The following VAMP4 variants were observed in gnomAD, a reference collection of about 807,000 sequenced individuals.
The protein encoded by VAMP4 is vesicle associated membrane protein 4.
VAMP4 carries 19 observed loss-of-function variants against 23.5 expected under a neutral mutation model. The ratio of observed to expected loss-of-function variants is 0.81; its 90% CI spans 0.56 to 1.19. VAMP4 has a LOEUF of 1.19. VAMP4 is among the 50% of genes most tolerant of loss of function. The pLI is 0.00. For synonymous variants in VAMP4, 31 were observed against 51.0 expected (o/e 0.61, Z 1.67); for missense variants, 145 against 168.6 (o/e 0.86, Z 0.78).
At chr1:171,737,734 A>G (rs748603828) in intron 2 of VAMP4, among the ~76,000 whole-genome samples, 1 of 152,186 alleles carries the variant, frequency 6.6e-6, no homozygotes, top group African/African-American at 2.4e-5. Context: ...TATGTTCTTA[A>G]CTTTCTAAAA....
rs186214089 is a variant in VAMP4 at position 171,714,261 on chromosome 1, T to A, written c.165-3447A>T. 5.3e-5 allele frequency among the ~76,000 whole-genome samples: 8 copies of A among 152,324 alleles called. No individual in the cohort carries two copies. The East Asian group carries it at 1.5e-3, about 29-fold the overall frequency. On this transcript the variant is annotated intron_variant, in intron 4 of 7. Coordinates refer to ENST00000236192, the MANE Select transcript of VAMP4 (RefSeq NM_003762.5). The stretch of plus-strand genomic sequence containing the variant: ...AAGCAAGTGATAACATACTTCCCCA[T>A]GATCTTTTACATTTTCACAATAGTT...
At chr1:171,708,996 A>AG (rs1038506112) in intron 6 of VAMP4, among the ~76,000 whole-genome samples, 1 of 151,584 alleles carries the variant, frequency 6.6e-6, no homozygotes, top group African/African-American at 2.4e-5. Context: ...TAGAATCAGG[A>AG]GAAAAAAAAA....
chr1:171,725,427 C>T (rs976788377), intron 3 of VAMP4, among the ~76,000 whole-genome samples: 3 of 152,018 alleles, frequency 2.0e-5, no homozygotes, highest in African/African-American at 7.3e-5. Context: ...ATAATGAGAC[C>T]CTGTCTCAGT....
At chr1:171,723,473 A>C (rs1655265957) in intron 3 of VAMP4, among the ~76,000 whole-genome samples, 1 of 152,156 alleles carries the variant, frequency 6.6e-6, no homozygotes, top group Non-Finnish European at 1.5e-5. Context: ...CTTTCTCAGG[A>C]CTGTTCCTTG....
intron 3 of VAMP4, among the ~76,000 whole-genome samples, chr1:171,724,557 G>T (rs763181268): frequency 6.6e-6 from 1 of 152,094 alleles, no homozygotes; most frequent in Non-Finnish European, 1.5e-5. Flanking sequence ...ACAAAACACT[G>T]CTGAGAGAAA....
intron 2 of VAMP4, among the ~76,000 whole-genome samples, chr1:171,737,831 A>G (rs868245777): frequency 6.6e-6 from 1 of 152,362 alleles, no homozygotes; most frequent in Middle Eastern, 3.4e-3. Context: ...GAAAGAAGCT[A>G]TGAGAATAAT....
Position 171,701,020 on chromosome 1 carries a change from A to C in VAMP4, c.*3486T>G, listed in dbSNP as rs1278995103. Reference sequence around the variant, plus strand: ...GAATAAGACTATCTCAAAGTATTAAAGAGGATCTAAACCCTACATCAATCT... The same window carrying C: ...GAATAAGACTATCTCAAAGTATTAACGAGGATCTAAACCCTACATCAATCT... On this transcript the variant is annotated 3_prime_UTR_variant, in exon 8 of 8. Transcript: ENST00000236192. 1 of 152,220 alleles carries C rather than the reference A, an allele frequency of 6.6e-6. No homozygotes were observed. Among genetic ancestry groups the C allele is most frequent in the Non-Finnish European group, 1.5e-5 (1 of 68,042 alleles). 9.4% of individuals were successfully genotyped at this position (152,220 alleles called of 1,614,324 possible). A position where few individuals can be genotyped will look rare whatever the true frequency, so the allele number is the denominator to read the frequency against.
At chr1:171,722,146 A>C (rs943176574) in intron 3 of VAMP4, among the ~76,000 whole-genome samples, 3 of 152,080 alleles carry the variant, frequency 2.0e-5, no homozygotes, top group African/African-American at 7.2e-5. Flanking sequence ...CAAAAACAAG[A>C]AATAGGGAAA....
At chr1:171,741,607 T>A (rs1655926321) in intron 1 of VAMP4, among the ~76,000 whole-genome samples, 1 of 150,670 alleles carries the variant, frequency 6.6e-6, no homozygotes, top group African/African-American at 2.5e-5. Flanking sequence ...CCTCACTACA[T>A]CCCACTCTTA....
Position 171,703,425 on chromosome 1 carries a change from G to GTGTGTATA in VAMP4, c.*1080_*1081insTATACACA, listed in dbSNP as rs1330620854. The GTGTGTATA allele has an allele frequency of 1.1e-4, 9 of 80,668 alleles. No homozygotes were observed. The highest frequency in any genetic ancestry group is 3.3e-4 in the African/African-American group (7 of 20,962). 5.0% of individuals were successfully genotyped at this position (80,668 alleles called of 1,614,324 possible). A position where few individuals can be genotyped will look rare whatever the true frequency, so the allele number is the denominator to read the frequency against. On this transcript the variant is annotated 3_prime_UTR_variant, in exon 8 of 8. Transcript: ENST00000236192. ...TGTGTGTGTGTGTGTGTGTTTGTGTGTATATATATATATATATATATATAT... is the reference window on the plus strand; with the variant it reads ...TGTGTGTGTGTGTGTGTGTTTGTGTGTGTGTATATATATATATATATATATATATATAT...
chr1:171,707,774 T>C (rs959279449), intron 6 of VAMP4, among the ~76,000 whole-genome samples: 1 of 152,090 alleles, frequency 6.6e-6, no homozygotes, highest in South Asian at 2.1e-4. Flanking sequence ...AAAATATGAC[T>C]CAATGTTTTT....
chr1:171,710,882 A>C, intron 4 of VAMP4, 68 bp from the exon 5 acceptor site: 1 of 1,135,116 alleles, frequency 8.8e-7, no homozygotes, highest in Non-Finnish European at 1.3e-6. Flanking sequence ...TAAAACTTTC[A>C]TTAGACATAA....
chr1:171,707,398 A>T (rs565137498), intron 6 of VAMP4, among the ~76,000 whole-genome samples: 8 of 152,278 alleles, frequency 5.3e-5, no homozygotes, highest in African/African-American at 1.9e-4. Context: ...ATTTCCACCA[A>T]CACCCTTAAC....
At chr1:171,732,588 A>G (rs937146541) in intron 2 of VAMP4, among the ~76,000 whole-genome samples, 1 of 152,114 alleles carries the variant, frequency 6.6e-6, no homozygotes, top group Non-Finnish European at 1.5e-5. Flanking sequence ...TTTTATGTTA[A>G]ATGTAAATAA....
intron 3 of VAMP4, 38 bp downstream of exon 3, chr1:171,728,486 T>C: frequency 6.8e-7 from 1 of 1,472,320 alleles, no homozygotes; most frequent in Non-Finnish European, 9.1e-7. Context: ...GTATTGTATG[T>C]CAATTACACC....
intron 4 of VAMP4, among the ~76,000 whole-genome samples, chr1:171,717,176 G>C (rs1178398310): frequency 6.6e-6 from 1 of 152,154 alleles, no homozygotes; most frequent in Non-Finnish European, 1.5e-5. Flanking sequence ...AAGGATATCA[G>C]ACAGGAAACA....
intron 2 of VAMP4, among the ~76,000 whole-genome samples, chr1:171,734,687 T>G (rs1572256001): frequency 6.6e-6 from 1 of 152,180 alleles, no homozygotes; most frequent in African/African-American, 2.4e-5. Flanking sequence ...AAAAGTAATT[T>G]ATATATTATT....
At position 171,719,207 on chromosome 1, in the gene VAMP4, C is replaced by A; in HGVS notation, c.128G>T (p.Gly43Val). The stretch of plus-strand genomic sequence containing the variant: ...ATCATTTCTAGGTCCAAATCTTGGT[C>A]CAGATGGTCCCCTTCTGAAAACAAG... ...EEDFFLRGPS[G>V]PRFGPRNDKI... is the part of the protein sequence containing the mutation. Residue 43 changes from glycine (G) to valine (V), a missense_variant, in exon 4 of 8, where the codon GGA (glycine) becomes GTA (valine). Physicochemically the swap from Gly to Val is moderately radical, Grantham distance 109. Transcript: ENST00000236192. 1 of 1,611,290 alleles carries A rather than the reference C, an allele frequency of 6.2e-7. No individual in the cohort carries two copies. The highest frequency in any genetic ancestry group is 1.1e-5 in the South Asian group (1 of 90,704).
intron 4 of VAMP4, among the ~76,000 whole-genome samples, chr1:171,712,844 A>G (rs1654894053): frequency 6.6e-6 from 1 of 152,226 alleles, no homozygotes; most frequent in Non-Finnish European, 1.5e-5. Flanking sequence ...ATTGAACAAA[A>G]CAGATGATAA....
Sources: allele counts gnomAD v4.1 joint callset (sites outside exome capture counted in the v4.1 genomes callset), GRCh38; gene constraint gnomAD v4.1.1; transcripts MANE v1.5; gene names NCBI Gene and HGNC (gene_info 2026-07-23, HGNC 2026-07-21).